Variants in GALNTL6 observed in about 807,000 individuals in gnomAD.
GALNTL6 encodes polypeptide N-acetylgalactosaminyltransferase like 6.
GALNTL6 carries 46 observed loss-of-function variants against 73.7 expected under a neutral mutation model. The ratio of observed to expected loss-of-function variants is 0.62; its 90% CI spans 0.49 to 0.80. GALNTL6 has a LOEUF of 0.80. Among genes scored for constraint, GALNTL6 ranks in the 30% least tolerant of loss-of-function variants. The pLI is 0.00. For synonymous variants in GALNTL6, 259 were observed against 263.7 expected (o/e 0.98, Z 0.17); for missense variants, 604 against 755.0 (o/e 0.80, Z 2.34).
At chr4:172,872,708 C>T (rs1455907161) in intron 7 of GALNTL6, among the ~76,000 whole-genome samples, 1 of 152,310 alleles carries the variant, frequency 6.6e-6, no homozygotes, top group East Asian at 1.9e-4. Flanking sequence ...AAAGAAATCT[C>T]ACTCTTTGTA....
chr4:172,626,023 T>C lies in GALNTL6; in HGVS notation c.554-183338T>C, dbSNP rs189834845. On this transcript the variant is annotated intron_variant, in intron 5 of 12. Transcript: ENST00000506823. Reference sequence around the variant, plus strand: ...GCTGTACAGAAGCCCTTTAGTTTAATTAGATCTCACTTGTCAATTTTAGTT... The same window carrying C: ...GCTGTACAGAAGCCCTTTAGTTTAACTAGATCTCACTTGTCAATTTTAGTT... Among the ~76,000 whole-genome samples the C allele has an allele frequency of 4.6e-5, 7 of 152,310 alleles. No homozygotes were observed. The South Asian group carries it at 1.2e-3, about 27-fold the overall frequency.
At chr4:172,610,239 T>G (rs1468544098) in intron 5 of GALNTL6, among the ~76,000 whole-genome samples, 1 of 152,016 alleles carries the variant, frequency 6.6e-6, no homozygotes, top group African/African-American at 2.4e-5. Context: ...GCTTTGGAGT[T>G]GGTCTGCTGT....
chr4:172,703,328 AT>A (rs1380201985), intron 5 of GALNTL6, among the ~76,000 whole-genome samples: 5 of 151,862 alleles, frequency 3.3e-5, no homozygotes, highest in African/African-American at 1.2e-4. Flanking sequence ...TTACCTATGG[AT>A]TTTTCATATA....
chr4:172,576,919 T>TA (rs1736977490), intron 5 of GALNTL6, among the ~76,000 whole-genome samples: 1 of 152,148 alleles, frequency 6.6e-6, no homozygotes, highest in Non-Finnish European at 1.5e-5. Context: ...TGGGGATACT[T>TA]ATGTGAGTGA....
chr4:172,455,827 C>T (rs955455604), intron 5 of GALNTL6, among the ~76,000 whole-genome samples: 1 of 152,196 alleles, frequency 6.6e-6, no homozygotes, highest in Non-Finnish European at 1.5e-5. Flanking sequence ...ATAGATCTCC[C>T]AGCACAGCGC....
At chr4:172,617,175 G>C (rs571586057) in intron 5 of GALNTL6, among the ~76,000 whole-genome samples, 2 of 151,922 alleles carry the variant, frequency 1.3e-5, no homozygotes, top group Non-Finnish European at 2.9e-5. Context: ...GGCATTTTGG[G>C]TGTAGGATAT....
chr4:172,731,934 G>A (rs1422429645), intron 5 of GALNTL6, among the ~76,000 whole-genome samples: 2 of 151,952 alleles, frequency 1.3e-5, no homozygotes, highest in Non-Finnish European at 2.9e-5. Context: ...TTCAGAATTT[G>A]CACAGGCTTG....
chr4:171,895,232 G>A (rs1353241406), intron 2 of GALNTL6, among the ~76,000 whole-genome samples: 1 of 152,178 alleles, frequency 6.6e-6, no homozygotes, highest in Non-Finnish European at 1.5e-5. Context: ...TCCATGTTCA[G>A]AAGAGGAGTT....
intron 5 of GALNTL6, among the ~76,000 whole-genome samples, chr4:172,778,862 G>A (rs961986799): frequency 2.0e-5 from 3 of 152,090 alleles, no homozygotes; most frequent in Admixed American, 1.3e-4. Flanking sequence ...AGTCGTATAA[G>A]CCTTACCCAC....
At chr4:171,820,995 A>G (rs1349788473) in intron 2 of GALNTL6, among the ~76,000 whole-genome samples, 4 of 152,096 alleles carry the variant, frequency 2.6e-5, no homozygotes, top group African/African-American at 9.7e-5. Flanking sequence ...TAGGTATGCC[A>G]CATAAGTTTT....
chr4:172,172,891 A>G (rs1021397594), intron 2 of GALNTL6, among the ~76,000 whole-genome samples: 4 of 152,226 alleles, frequency 2.6e-5, no homozygotes, highest in African/African-American at 9.6e-5. Context: ...TTAATAAGCA[A>G]TGTTGAACAC....
chr4:172,002,703 A>G (rs545742521), intron 2 of GALNTL6, among the ~76,000 whole-genome samples: 1 of 152,294 alleles, frequency 6.6e-6, no homozygotes, highest in East Asian at 1.9e-4. Flanking sequence ...CTACTTTCTC[A>G]ATATCTCAGA....
At chr4:172,790,374 CT>C (rs1246306795) in intron 5 of GALNTL6, among the ~76,000 whole-genome samples, 1 of 152,146 alleles carries the variant, frequency 6.6e-6, no homozygotes, top group Non-Finnish European at 1.5e-5. Context: ...AGGTGGACCC[CT>C]AATCCCATAG....
At chr4:172,170,508 G>GTTTTTTT (rs1197633372) in intron 2 of GALNTL6, among the ~76,000 whole-genome samples, 1 of 120,068 alleles carries the variant, frequency 8.3e-6, no homozygotes. Context: ...TTCTTTGGTG[G>GTTTTTTT]TTTTTTTTTT....
intron 5 of GALNTL6, among the ~76,000 whole-genome samples, chr4:172,765,683 ATGT>A (rs1738365485): frequency 6.6e-6 from 1 of 152,086 alleles, no homozygotes. Context: ...AGTGGGTTAG[ATGT>A]TGACAGTTTT....
intron 5 of GALNTL6, among the ~76,000 whole-genome samples, chr4:172,745,548 A>T (rs4396969): frequency 0.36 from 53,855 of 151,312 alleles, 10,601 homozygotes; most frequent in African/African-American, 0.51. Flanking sequence ...GAGGTAAACT[A>T]CTGTGGCAGG....
intron 5 of GALNTL6, among the ~76,000 whole-genome samples, chr4:172,724,060 G>T (rs1735653817): frequency 6.6e-6 from 1 of 152,034 alleles, no homozygotes; most frequent in South Asian, 2.1e-4. Flanking sequence ...GGTTGGCCTT[G>T]GTAAAGATCA....
At chr4:172,995,883 A>G (rs1291193524) in intron 10 of GALNTL6, among the ~76,000 whole-genome samples, 6 of 152,226 alleles carry the variant, frequency 3.9e-5, no homozygotes, top group Non-Finnish European at 8.8e-5. Context: ...TGGTCAGCCA[A>G]GCTGGCTTTT....
At chr4:172,366,623 T>C (rs1044908346) in intron 5 of GALNTL6, among the ~76,000 whole-genome samples, 1 of 152,180 alleles carries the variant, frequency 6.6e-6, no homozygotes, top group Non-Finnish European at 1.5e-5. Context: ...CAGCCTGTTT[T>C]TGAGTTAACA....
Sources: allele counts gnomAD v4.1 joint callset (sites outside exome capture counted in the v4.1 genomes callset), GRCh38; gene constraint gnomAD v4.1.1; transcripts MANE v1.5; gene names NCBI Gene and HGNC (gene_info 2026-07-23, HGNC 2026-07-21).